The following DOCK3 variants were observed in gnomAD, a reference collection of about 807,000 sequenced individuals.
DOCK3 encodes dedicator of cytokinesis protein 3.
Under a neutral mutation model 265.6 loss-of-function variants are expected in DOCK3, and 60 were observed. The ratio of observed to expected loss-of-function variants is 0.23; its 90% CI spans 0.18 to 0.28. DOCK3 has a LOEUF of 0.28. Ranked by LOEUF, DOCK3 falls within the 10% of genes least tolerant of loss-of-function variation. DOCK3 has a pLI of 1.00. For missense variants in DOCK3, 1,981 were observed against 2,594.3 expected (o/e 0.76, Z 5.14); for synonymous variants, 881 against 938.0 (o/e 0.94, Z 1.11).
At chr3:51,261,630 C>G (rs1288914482) in intron 23 of DOCK3, among the ~76,000 whole-genome samples, 1 of 152,180 alleles carries the variant, frequency 6.6e-6, no homozygotes, top group Non-Finnish European at 1.5e-5. Context: ...TGAATCCCAC[C>G]CCCACGGAGC....
At chr3:50,755,751 G>A (rs964353553) in intron 1 of DOCK3, among the ~76,000 whole-genome samples, 1 of 152,010 alleles carries the variant, frequency 6.6e-6, no homozygotes, top group Non-Finnish European at 1.5e-5. Flanking sequence ...CATATAAATG[G>A]AATCATATAA....
intron 5 of DOCK3, among the ~76,000 whole-genome samples, chr3:50,974,879 G>T (rs2077380043): frequency 8.3e-6 from 1 of 121,068 alleles, no homozygotes; most frequent in Non-Finnish European, 1.8e-5. Context: ...TGTATTCCTA[G>T]GTATTTTATT....
chr3:51,217,162 T>TC (rs1244939829), intron 14 of DOCK3, among the ~76,000 whole-genome samples: 1 of 151,698 alleles, frequency 6.6e-6, no homozygotes, highest in Non-Finnish European at 1.5e-5. Context: ...AGGTTTTTTT[T>TC]TTTGGTCAGG....
intron 8 of DOCK3, 23 bp downstream of exon 8, chr3:51,089,307 C>T: frequency 6.2e-7 from 1 of 1,602,460 alleles, no homozygotes; most frequent in Non-Finnish European, 8.5e-7. Flanking sequence ...CCTGGGTCTT[C>T]CAGCCTTTCC....
chr3:51,160,789 T>C, intron 12 of DOCK3, 87 bp downstream of exon 12: 5 of 1,482,828 alleles, frequency 3.4e-6, no homozygotes, highest in Non-Finnish European at 4.5e-6. Context: ...TCAAACCTTG[T>C]GGACACAGGC....
chr3:50,787,667 T>G (rs1218650715), intron 2 of DOCK3: 5 of 1,314,264 alleles, frequency 3.8e-6, no homozygotes, highest in Non-Finnish European at 4.3e-6. Context: ...CTTGTAGTTC[T>G]GGGAGTAGGG....
chr3:51,211,316 C>T (rs1191143140), intron 13 of DOCK3, among the ~76,000 whole-genome samples: 1 of 151,884 alleles, frequency 6.6e-6, no homozygotes, highest in Non-Finnish European at 1.5e-5. Flanking sequence ...ATCAGTGAGA[C>T]CAGATTAACA....
At chr3:51,350,060 G>T (rs2085872020) in intron 39 of DOCK3, among the ~76,000 whole-genome samples, 1 of 152,168 alleles carries the variant, frequency 6.6e-6, no homozygotes, top group Admixed American at 6.5e-5. Flanking sequence ...GGCTGCAGTG[G>T]GCAGGCCTGT....
chr3:51,216,050 T>TA (rs1411852424), intron 14 of DOCK3, among the ~76,000 whole-genome samples: 3 of 152,134 alleles, frequency 2.0e-5, no homozygotes, highest in Non-Finnish European at 4.4e-5. Flanking sequence ...GGTGATCTTT[T>TA]AAAAATTAGG....
chr3:50,760,762 C>G (rs1409982142), intron 1 of DOCK3, among the ~76,000 whole-genome samples: 1 of 151,792 alleles, frequency 6.6e-6, no homozygotes, highest in Non-Finnish European at 1.5e-5. Flanking sequence ...TTTGCTACCT[C>G]TAATAGTTTA....
intron 6 of DOCK3, among the ~76,000 whole-genome samples, chr3:51,065,541 G>C (rs2081560709): frequency 6.6e-6 from 1 of 152,302 alleles, no homozygotes; most frequent in East Asian, 1.9e-4. Flanking sequence ...CTTTGAAAAG[G>C]ACTTGGCTTA....
intron 5 of DOCK3, among the ~76,000 whole-genome samples, chr3:51,029,202 A>G (rs1219723139): frequency 6.6e-6 from 1 of 152,118 alleles, no homozygotes; most frequent in Non-Finnish European, 1.5e-5. Context: ...GGTTACAGAT[A>G]GGTTCATGTA....
intron 25 of DOCK3, chr3:51,276,361 T>C: frequency 2.0e-6 from 2 of 985,168 alleles, no homozygotes; most frequent in Non-Finnish European, 2.4e-6. Context: ...CAAGGTTGTA[T>C]TGAGGGGGTG....
chr3:50,789,614 A>G (rs372062168), intron 2 of DOCK3, among the ~76,000 whole-genome samples: 3 of 152,282 alleles, frequency 2.0e-5, no homozygotes, highest in South Asian at 2.1e-4. Flanking sequence ...CATCCATCAC[A>G]TTTCTTAGGT....
At chr3:50,850,726 T>C (rs181586353) in intron 3 of DOCK3, among the ~76,000 whole-genome samples, 2 of 152,294 alleles carry the variant, frequency 1.3e-5, no homozygotes, top group African/African-American at 4.8e-5. Context: ...GGATGTGCAA[T>C]AGTAGAGAAT....
In DOCK3 at chr3:51,268,090, T is replaced by C. The variant is rs528161959; in HGVS notation, c.2356-2725T>C. On this transcript the variant is annotated intron_variant, in intron 23 of 52. Transcript: ENST00000266037. ...CACCACCATGGCACGTGTATACTTA[T>C]GTAACAAACCTGCACATTCTGCACA... is the stretch of plus-strand genomic sequence containing the variant. 3.9e-5 allele frequency among the ~76,000 whole-genome samples: 6 copies of C among 152,272 alleles called. No individual in the cohort carries two copies. In the East Asian group the frequency reaches 7.7e-4, roughly 20 times the overall value.
chr3:50,770,239 T>G (rs995800817), intron 1 of DOCK3, among the ~76,000 whole-genome samples: 2 of 152,200 alleles, frequency 1.3e-5, no homozygotes. Context: ...TTAGAACTGA[T>G]AAATTCGGTA....
chr3:51,112,937 A>C (rs2109856436), intron 9 of DOCK3, among the ~76,000 whole-genome samples: 1 of 152,286 alleles, frequency 6.6e-6, no homozygotes. Context: ...AAAAGGTATT[A>C]AGAGGGTATT....
At position 51,280,652 on chromosome 3, in the gene DOCK3, C is replaced by G. The variant is rs538333263; in HGVS notation, c.2922+448C>G. On this transcript the variant is annotated intron_variant, in intron 27 of 52. Coordinates refer to ENST00000266037, the MANE Select transcript of DOCK3 (RefSeq NM_004947.5). Reference sequence around the variant, plus strand: ...TACCTTTAGAGAGCAAGGGTGTGCACTGCTCATTTGCTGCCAAACTCTGGG... The same window carrying G: ...TACCTTTAGAGAGCAAGGGTGTGCAGTGCTCATTTGCTGCCAAACTCTGGG... 6.6e-4 allele frequency among the ~76,000 whole-genome samples: 100 copies of G among 152,180 alleles called. 1 individual carries two copies. Among genetic ancestry groups the G allele is most frequent in the South Asian group, 2.1e-3 (10 of 4,816 alleles).
Sources: gnomAD v4.1 joint callset for allele counts (sites outside exome capture counted in the v4.1 genomes callset) on GRCh38, gnomAD v4.1.1 for gene constraint, MANE v1.5 for transcripts, NCBI Gene and HGNC (gene_info 2026-07-23, HGNC 2026-07-21) for gene names.